Variants in UNC119B observed in about 807,000 individuals in gnomAD.
The protein encoded by UNC119B is unc-119 lipid binding chaperone B.
In UNC119B, 16 loss-of-function variants were observed where a neutral mutation model predicts 23.4. The observed-to-expected ratio is 0.68, with a 90% confidence interval of 0.46 to 1.04. UNC119B has a LOEUF of 1.04. Ranked by LOEUF, UNC119B falls within the 50% of genes least tolerant of loss-of-function variation. The pLI is 0.00. For synonymous variants in UNC119B, 144 were observed against 145.4 expected (o/e 0.99, Z 0.07); for missense variants, 350 against 361.3 (o/e 0.97, Z 0.25).
chr12:120,715,417 C>G (rs77962168), intron 2 of UNC119B, among the ~76,000 whole-genome samples: 1 of 150,700 alleles, frequency 6.6e-6, no homozygotes, highest in East Asian at 2.0e-4. Flanking sequence ...AAAAAGTCTT[C>G]TCTTATGTTG....
rs144799516 is a variant in UNC119B at position 120,713,986 on chromosome 12, A to G, written c.358+599A>G. Among the ~76,000 whole-genome samples the G allele has an allele frequency of 1.5e-3, 223 of 152,296 alleles. 1 individual carries two copies. Among genetic ancestry groups the G allele is most frequent in the African/African-American group, 5.2e-3 (218 of 41,546 alleles). On this transcript the variant is annotated intron_variant, in intron 2 of 4. Coordinates refer to ENST00000344651, the MANE Select transcript of UNC119B (RefSeq NM_001080533.3). ...AACTCAACTACTTGGGGTTCCTTAA[A>G]TTAGCCTCCCATAGCCGCTTCCTGT... is the stretch of plus-strand genomic sequence containing the variant.
At position 120,721,028 on chromosome 12, in the gene UNC119B, C is replaced by T. The variant is rs1158914304; in HGVS notation, c.*996C>T. The stretch of plus-strand genomic sequence containing the variant: ...GCAGCTTTCTAAAGGAGAGATTTGA[C>T]TTTTCTCTGCACTGCACAGCCTGGA... On this transcript the variant is annotated 3_prime_UTR_variant, in exon 5 of 5. Coordinates refer to ENST00000344651, the MANE Select transcript of UNC119B (RefSeq NM_001080533.3). 1 of 152,174 alleles carries T rather than the reference C, an allele frequency of 6.6e-6. No homozygotes were observed. Among genetic ancestry groups the T allele is most frequent in the Non-Finnish European group, 1.5e-5 (1 of 68,036 alleles). 9.4% of individuals were successfully genotyped at this position (152,174 alleles called of 1,614,324 possible).
At chr12:120,718,253 T>TG (rs1230813350) in intron 4 of UNC119B, among the ~76,000 whole-genome samples, 9 of 152,330 alleles carry the variant, frequency 5.9e-5, no homozygotes, top group Non-Finnish European at 1.2e-4. Flanking sequence ...AGGAGGCCTG[T>TG]GACCATCCCT....
rs1333617876 is a variant in UNC119B at position 120,710,541 on chromosome 12, G to A, written c.67G>A (p.Gly23Ser). Residue 23 changes from glycine to serine, a missense_variant, in exon 1 of 5, where the codon GGC becomes AGC. Transcript: ENST00000344651. ...GGCTGGGCCCGGGGGGCTGGTGGCT[G>A]GCAAGGAGGAGAAGAAGAAGGCGGG... ...SAAGPGGLVA[G>S]KEEKKKAGGG... The A allele has an allele frequency of 2.9e-6, 4 of 1,385,086 alleles. No homozygotes were observed. Among genetic ancestry groups the A allele is most frequent in the Non-Finnish European group, 3.7e-6 (4 of 1,075,600 alleles). 85.8% of individuals were successfully genotyped at this position (1,385,086 alleles called of 1,614,324 possible). A position where few individuals can be genotyped will look rare whatever the true frequency, so the allele number is the denominator to read the frequency against.
rs781621356 is a variant in UNC119B at position 120,716,764 on chromosome 12, G to C, written c.470+25G>C. The C allele has an allele frequency of 4.3e-6, 7 of 1,610,260 alleles. No individual in the cohort carries two copies. The Admixed American group carries it at 1.0e-4, about 23-fold the overall frequency. ...CGTGAGTACCATTACTACCTGAGGG[G>C]AGAACATTCTGTTTGTTCACAGAGA... On this transcript the variant is annotated intron_variant, in intron 3 of 4. Transcript: ENST00000344651.
intron 4 of UNC119B, among the ~76,000 whole-genome samples, chr12:120,719,650 C>T (rs1882847603): frequency 6.6e-6 from 1 of 152,134 alleles, no homozygotes; most frequent in South Asian, 2.1e-4. Context: ...CTGAAGAATC[C>T]AGGCTGGAGA....
At chr12:120,713,123 C>T in intron 1 of UNC119B, 151 bp from the exon 2 acceptor site, 1 of 527,596 alleles carries the variant, frequency 1.9e-6, no homozygotes, top group Non-Finnish European at 3.3e-6. Flanking sequence ...CATACAACTT[C>T]TGCTGGTGAT....
intron 2 of UNC119B, among the ~76,000 whole-genome samples, chr12:120,714,314 G>A (rs1286073701): frequency 6.8e-6 from 1 of 148,012 alleles, no homozygotes; most frequent in Non-Finnish European, 1.5e-5. Flanking sequence ...TGTTTTGTGG[G>A]TTTTTTTTTT....
chr12:120,713,491 G>A, intron 2 of UNC119B, 104 bp downstream of exon 2: 1 of 851,950 alleles, frequency 1.2e-6, no homozygotes, highest in South Asian at 1.6e-5. Context: ...ACTCCAGTGT[G>A]TCCCACTTCT....
chr12:120,719,304 G>T (rs1882842253), intron 4 of UNC119B, among the ~76,000 whole-genome samples: 1 of 152,180 alleles, frequency 6.6e-6, no homozygotes, highest in African/African-American at 2.4e-5. Context: ...AAGAGGTCTG[G>T]GCAATTGCCT....
rs899680501 is a variant in UNC119B, at chr12:120,720,145, GC to G, written c.*115del. 2.5e-6 allele frequency: 2 copies of G among 785,804 alleles called. No homozygotes were observed. The highest frequency in any genetic ancestry group is 4.1e-6 in the Non-Finnish European group (2 of 485,706). 48.7% of individuals were successfully genotyped at this position (785,804 alleles called of 1,614,324 possible). ...CACATCTGGAACCTGGCCCCAGGAA[GC>G]CAAGGCTGGGGTGGCAGTTTCCTGC... On this transcript the variant is annotated 3_prime_UTR_variant, in exon 5 of 5. Transcript: ENST00000344651.
chr12:120,720,190 A>G lies in UNC119B; in HGVS notation c.*158A>G, dbSNP rs974543861. On this transcript the variant is annotated 3_prime_UTR_variant, in exon 5 of 5. Transcript: ENST00000344651. Reference sequence around the variant, plus strand: ...TTCCTGCGCGCCAAAGGAGCTGCCAAACAGTGCTGTGTTTTCTTCCCCAGT... The same window carrying G: ...TTCCTGCGCGCCAAAGGAGCTGCCAGACAGTGCTGTGTTTTCTTCCCCAGT... 3 of 611,288 alleles carry G rather than the reference A, an allele frequency of 4.9e-6. No homozygotes were observed. The highest frequency in any genetic ancestry group is 3.0e-5 in the Admixed American group (1 of 33,802). 37.9% of individuals were successfully genotyped at this position (611,288 alleles called of 1,614,324 possible). A position where few individuals can be genotyped will look rare whatever the true frequency, so the allele number is the denominator to read the frequency against.
At chr12:120,718,655 C>T (rs1035500716) in intron 4 of UNC119B, among the ~76,000 whole-genome samples, 5 of 152,146 alleles carry the variant, frequency 3.3e-5, no homozygotes, top group African/African-American at 9.7e-5. Flanking sequence ...GCAACTTTGG[C>T]CTAGCCACCT....
rs696335 is a variant in UNC119B, at chr12:120,720,201, G to A, written c.*169G>A. ...CAAAGGAGCTGCCAAACAGTGCTGT[G>A]TTTTCTTCCCCAGTATTTTTTCTTC... is the stretch of plus-strand genomic sequence containing the variant. On this transcript the variant is annotated 3_prime_UTR_variant, in exon 5 of 5. Transcript: ENST00000344651. 0.023 allele frequency: 13,632 copies of A among 588,564 alleles called. 385 individuals are homozygous for A. Among genetic ancestry groups the A allele is most frequent in the African/African-American group, 0.086 (4,545 of 53,122 alleles). 36.5% of individuals were successfully genotyped at this position (588,564 alleles called of 1,614,324 possible).
chr12:120,721,982 T>G lies in UNC119B; in HGVS notation c.*1950T>G, dbSNP rs141509775. ...TCAAGCGTAACAACAATCCCTTCTC[T>G]CTTTGACAGAGGCCCAGGTGGGACA... On this transcript the variant is annotated 3_prime_UTR_variant, in exon 5 of 5. Coordinates refer to ENST00000344651, the MANE Select transcript of UNC119B (RefSeq NM_001080533.3). 6.5e-6 allele frequency: 1 copy of G among 152,784 alleles called. No homozygotes were observed. Among genetic ancestry groups the G allele is most frequent in the East Asian group, 1.9e-4 (1 of 5,184 alleles). 9.5% of individuals were successfully genotyped at this position (152,784 alleles called of 1,614,324 possible).
rs1318774321 is a variant in UNC119B, at chr12:120,721,167, CAG to C, written c.*1138_*1139del. 1 of 152,194 alleles carries C rather than the reference CAG, an allele frequency of 6.6e-6. No individual in the cohort carries two copies. Among genetic ancestry groups the C allele is most frequent in the Non-Finnish European group, 1.5e-5 (1 of 68,048 alleles). 9.4% of individuals were successfully genotyped at this position (152,194 alleles called of 1,614,324 possible). A position where few individuals can be genotyped will look rare whatever the true frequency, so the allele number is the denominator to read the frequency against. On this transcript the variant is annotated 3_prime_UTR_variant, in exon 5 of 5. Transcript: ENST00000344651. ...AGTTTCTGGAACTTTCCTGGTGGAT[CAG>C]AGTTACGTAATGCAGTCTGAGCCTT...
chr12:120,713,394 C>G lies in UNC119B; in HGVS notation c.358+7C>G, dbSNP rs774780618. 2 of 1,605,364 alleles carry G rather than the reference C, an allele frequency of 1.2e-6. No homozygotes were observed. Among genetic ancestry groups the G allele is most frequent in the Non-Finnish European group, 1.7e-6 (2 of 1,172,648 alleles). On this transcript the variant is annotated splice_region_variant and intron_variant, in intron 2 of 4. Coordinates refer to ENST00000344651, the MANE Select transcript of UNC119B (RefSeq NM_001080533.3). Reference sequence around the variant, plus strand: ...GCCAAACCTTGCGTTTCAGGTAGGCCTCTACGTTGTGGTGACCACTAGACA... The same window carrying G: ...GCCAAACCTTGCGTTTCAGGTAGGCGTCTACGTTGTGGTGACCACTAGACA...
Position 120,721,566 on chromosome 12 carries a change from C to G in UNC119B, c.*1534C>G, listed in dbSNP as rs1882902649. 1 of 152,576 alleles carries G rather than the reference C, an allele frequency of 6.6e-6. No individual in the cohort carries two copies. Among genetic ancestry groups the G allele is most frequent in the Non-Finnish European group, 1.5e-5 (1 of 68,132 alleles). The allele number at this position is 152,576 out of a possible 1,614,324, so 9.5% of individuals were successfully genotyped here. A position where few individuals can be genotyped will look rare whatever the true frequency, so the allele number is the denominator to read the frequency against. On this transcript the variant is annotated 3_prime_UTR_variant, in exon 5 of 5. Transcript: ENST00000344651. ...GTCCATCCACCACCAGTGCTGCTCC[C>G]TGTGTGGGCTTTAGGGCGAGTGGCC...
chr12:120,716,509 A>G, intron 2 of UNC119B, 119 bp from the exon 3 acceptor site: 2 of 1,035,592 alleles, frequency 1.9e-6, no homozygotes, highest in East Asian at 2.4e-5. Context: ...AACACTGGCC[A>G]TTCTTCTTGT....
Sources: gnomAD v4.1 joint callset for allele counts (sites outside exome capture counted in the v4.1 genomes callset) on GRCh38, gnomAD v4.1.1 for gene constraint, MANE v1.5 for transcripts, NCBI Gene and HGNC (gene_info 2026-07-23, HGNC 2026-07-21) for gene names.